SRGAP1: variants seen among roughly 807,000 people sequenced by gnomAD.
SRGAP1 encodes the protein SLIT-ROBO Rho GTPase-activating protein 1.
SRGAP1 carries 43 observed loss-of-function variants against 121.9 expected under a neutral mutation model. That is an observed-to-expected ratio of 0.35 (90% confidence interval 0.28 to 0.46). The LOEUF is 0.46. Among genes scored for constraint, SRGAP1 ranks in the 20% least tolerant of loss-of-function variants. The pLI is 1.00. For synonymous variants in SRGAP1, 447 were observed against 485.4 expected (o/e 0.92, Z 1.04); for missense variants, 1,102 against 1,350.9 (o/e 0.82, Z 2.89).
chr12:63,924,820 AAG>A (rs529153252), intron 1 of SRGAP1, among the ~76,000 whole-genome samples: 201 of 152,354 alleles, frequency 1.3e-3, no homozygotes, highest in African/African-American at 4.7e-3. Flanking sequence ...GAGTGTCTCC[AAG>A]AGAGTTCTCA....
In SRGAP1 at chr12:64,149,304, A is replaced by C. The variant is rs1298596821; in HGVS notation, c.*6632A>C. The C allele has an allele frequency of 6.6e-6, 1 of 152,136 alleles. No homozygotes were observed. Among genetic ancestry groups the C allele is most frequent in the Non-Finnish European group, 1.5e-5 (1 of 68,020 alleles). The allele number at this position is 152,136 out of a possible 1,614,324, so 9.4% of individuals were successfully genotyped here. On this transcript the variant is annotated 3_prime_UTR_variant, in exon 22 of 22. Coordinates refer to ENST00000355086, the MANE Select transcript of SRGAP1 (RefSeq NM_020762.4). ...TCCAAAAAAGCACTGTCTGATATGG[A>C]GACTGGAAATATTCATAGATGACAC... is the stretch of plus-strand genomic sequence containing the variant.
At chr12:64,065,048 A>C in intron 7 of SRGAP1, 70 bp from the exon 8 acceptor site, 3 of 1,131,144 alleles carry the variant, frequency 2.7e-6, no homozygotes, top group Non-Finnish European at 3.8e-6. Context: ...CATCATTTAA[A>C]TAACAGAGCC....
intron 1 of SRGAP1, among the ~76,000 whole-genome samples, chr12:63,932,145 G>T (rs1017836741): frequency 6.6e-6 from 1 of 152,160 alleles, no homozygotes; most frequent in African/African-American, 2.4e-5. Flanking sequence ...GCTGGGCGTG[G>T]TGGCACATGC....
intron 1 of SRGAP1, among the ~76,000 whole-genome samples, chr12:63,919,877 A>G (rs542835165): frequency 6.6e-6 from 1 of 152,352 alleles, no homozygotes; most frequent in Non-Finnish European, 1.5e-5. Flanking sequence ...TTGGGTGAGT[A>G]TGCAGAATCA....
intron 1 of SRGAP1, among the ~76,000 whole-genome samples, chr12:63,869,080 G>A (rs141989572): frequency 7.2e-5 from 11 of 152,312 alleles, no homozygotes; most frequent in Non-Finnish European, 1.3e-4. Context: ...GGATATATAT[G>A]TATCGTGTTA....
At chr12:64,116,588 GTTTAT>G (rs1162420984) in intron 18 of SRGAP1, among the ~76,000 whole-genome samples, 2 of 152,114 alleles carry the variant, frequency 1.3e-5, no homozygotes, top group Admixed American at 6.5e-5. Context: ...AGTTTGAACT[GTTTAT>G]TTTACCACTG....
At chr12:64,014,161 A>G (rs982341689) in intron 3 of SRGAP1, among the ~76,000 whole-genome samples, 1 of 152,258 alleles carries the variant, frequency 6.6e-6, no homozygotes, top group Non-Finnish European at 1.5e-5. Flanking sequence ...TTTACAGGTC[A>G]GGAAACTGAG....
chr12:64,004,848 G>C (rs1274877408), intron 3 of SRGAP1, among the ~76,000 whole-genome samples: 1 of 152,128 alleles, frequency 6.6e-6, no homozygotes, highest in Non-Finnish European at 1.5e-5. Context: ...CAGTATTCTG[G>C]TTGCTAGCCA....
In SRGAP1 at chr12:64,155,678, G is replaced by GCGACCTCGGCTCACCA. The variant is rs968311479; in HGVS notation, c.*13022_*13037dup. 10 of 151,746 alleles carry GCGACCTCGGCTCACCA rather than the reference G, an allele frequency of 6.6e-5. No individual in the cohort carries two copies. The highest frequency in any genetic ancestry group is 3.9e-4 in the Admixed American group (6 of 15,234). 9.4% of individuals were successfully genotyped at this position (151,746 alleles called of 1,614,324 possible). A position where few individuals can be genotyped will look rare whatever the true frequency, so the allele number is the denominator to read the frequency against. On this transcript the variant is annotated 3_prime_UTR_variant, in exon 22 of 22. Transcript: ENST00000355086. ...GTCTCCCAGGCTGGAGTGCAGTGGC[G>GCGACCTCGGCTCACCA]CGACCTCGGCTCACCACGACCTCGG...
At position 64,086,930 on chromosome 12, in the gene SRGAP1, T is replaced by C. The variant is rs981459721; in HGVS notation, c.1409-69T>C. ...GTGTTTTAAAATACCGGATAGGAGA[T>C]ACAAAAGAGTACCACATACACTCTG... On this transcript the variant is annotated intron_variant, in intron 10 of 21. Coordinates refer to ENST00000355086, the MANE Select transcript of SRGAP1 (RefSeq NM_020762.4). The C allele has an allele frequency of 1.2e-5, 14 of 1,160,716 alleles. No homozygotes were observed. In the African/African-American group the frequency reaches 1.7e-4, roughly 14 times the overall value. 71.9% of individuals were successfully genotyped at this position (1,160,716 alleles called of 1,614,324 possible).
At chr12:63,925,436 A>G (rs149950749) in intron 1 of SRGAP1, among the ~76,000 whole-genome samples, 5 of 152,344 alleles carry the variant, frequency 3.3e-5, no homozygotes, top group African/African-American at 1.2e-4. Context: ...AAAAAGCTTC[A>G]TTATTAAAAT....
intron 3 of SRGAP1, among the ~76,000 whole-genome samples, chr12:64,006,517 G>A (rs1228216048): frequency 6.6e-6 from 1 of 152,168 alleles, no homozygotes; most frequent in Non-Finnish European, 1.5e-5. Context: ...GAATTGGTAT[G>A]TTGTTATCTA....
chr12:64,071,566 T>C (rs574041966), intron 8 of SRGAP1, among the ~76,000 whole-genome samples: 30 of 152,214 alleles, frequency 2.0e-4, no homozygotes, highest in African/African-American at 7.0e-4. Context: ...GAGAAATTGA[T>C]TTGAGATCAT....
intron 18 of SRGAP1, among the ~76,000 whole-genome samples, chr12:64,121,652 C>T (rs2036607813): frequency 6.6e-6 from 1 of 152,148 alleles, no homozygotes; most frequent in Admixed American, 6.5e-5. Context: ...TTTTTCACTG[C>T]TGCCTTCTCT....
chr12:63,880,127 C>A (rs999186306), intron 1 of SRGAP1, among the ~76,000 whole-genome samples: 15 of 152,210 alleles, frequency 9.9e-5, no homozygotes, highest in African/African-American at 3.1e-4. Context: ...TTCCCCTGCA[C>A]ACACTCTCTA....
intron 15 of SRGAP1, chr12:64,097,649 T>C (rs896582895): frequency 3.3e-6 from 1 of 305,538 alleles, no homozygotes; most frequent in Admixed American, 4.8e-5. Flanking sequence ...GAAAGCCAGG[T>C]GCCAGCTGCC....
chr12:63,919,756 AC>A (rs2030967262), intron 1 of SRGAP1, among the ~76,000 whole-genome samples: 1 of 152,154 alleles, frequency 6.6e-6, no homozygotes, highest in South Asian at 2.1e-4. Flanking sequence ...GCTCATAAGT[AC>A]TATACAGCTA....
chr12:64,041,597 G>T (rs763075370), intron 4 of SRGAP1, among the ~76,000 whole-genome samples: 5 of 151,664 alleles, frequency 3.3e-5, no homozygotes, highest in Non-Finnish European at 5.9e-5. Context: ...GCTCAGGCGG[G>T]TCTCAAACTC....
intron 1 of SRGAP1, among the ~76,000 whole-genome samples, chr12:63,863,201 GAGTAC>G (rs917187566): frequency 6.6e-6 from 1 of 151,862 alleles, no homozygotes; most frequent in African/African-American, 2.4e-5. Flanking sequence ...AGAGTTTTCT[GAGTAC>G]AGTATTACAA....
Sources: allele counts gnomAD v4.1 joint callset (sites outside exome capture counted in the v4.1 genomes callset), GRCh38; gene constraint gnomAD v4.1.1; transcripts MANE v1.5; gene names NCBI Gene and HGNC (gene_info 2026-07-23, HGNC 2026-07-21).